EPS15L1: variants seen among roughly 807,000 people sequenced by gnomAD.
EPS15L1 encodes the protein epidermal growth factor receptor pathway substrate 15 like 1, also known as epidermal growth factor receptor substrate 15-like 1.
A neutral mutation model predicts 117.1 loss-of-function variants in EPS15L1; 43 were observed. The observed-to-expected ratio is 0.37, with a 90% CI of 0.29 to 0.47. The LOEUF is 0.47. Ranked by LOEUF, EPS15L1 falls within the 20% of genes least tolerant of loss-of-function variation. The probability of loss-of-function intolerance (pLI) is 0.99; values close to 1 mark genes in which losing one functional copy is unlikely to be tolerated. For synonymous variants in EPS15L1, 459 were observed against 470.5 expected, an observed-to-expected ratio of 0.98 and a Z score of 0.32; for missense variants, 981 against 1,164.0, an observed-to-expected ratio of 0.84 and a Z score of 2.29.
chr19:16,413,794 T>C lies in EPS15L1; in HGVS notation c.1245A>G (p.Arg415=). The C allele has an allele frequency of 3.1e-6, 5 of 1,614,062 alleles. No homozygotes were observed. The highest frequency in any genetic ancestry group is 1.1e-5 in the South Asian group (1 of 91,084). The change falls in exon 13 of 24, where the codon AGA becomes AGG. Residue 415 remains arginine (R), a synonymous_variant. Transcript: ENST00000455140. ...TTACCTGCACCTCGCTGGTTTTCTG[T>C]CTGATTGCCTCTTCCTTTTCTCGAA... is the stretch of plus-strand genomic sequence containing the variant. ...QDIREKEEAI[R]QKTSEVQELQ...
At chr19:16,441,200 G>A (rs2093028150) in intron 3 of EPS15L1, 4 of 439,834 alleles carry the variant, frequency 9.1e-6, no homozygotes, top group Non-Finnish European at 1.7e-5. Flanking sequence ...GCCAAGCGCG[G>A]TGGTTCACGC....
At chr19:16,420,766 C>T (rs1176070959) in intron 10 of EPS15L1, among the ~76,000 whole-genome samples, 1 of 152,244 alleles carries the variant, frequency 6.6e-6, no homozygotes, top group Non-Finnish European at 1.5e-5. Flanking sequence ...TGCCCCAGCC[C>T]TATGAAGTCG....
chr19:16,471,562 C>T lies in EPS15L1; in HGVS notation c.33+351G>A, dbSNP rs746626967. Among the ~76,000 whole-genome samples the T allele has an allele frequency of 5.3e-5, 8 of 152,202 alleles. No homozygotes were observed. Among genetic ancestry groups the T allele is most frequent in the Non-Finnish European group, 1.0e-4 (7 of 68,018 alleles). On this transcript the variant is annotated intron_variant, in intron 1 of 23. Coordinates refer to ENST00000455140, the MANE Select transcript of EPS15L1 (RefSeq NM_001258374.3). This position sits in a 1 kb window ranked among gnomAD's most constrained non-coding sequence, Gnocchi z 4.8. ...ACAAAGACTCGCTGGGCCGCCGCGC[C>T]GACAGAAACGCTCGCACCCCTCGCC... is the stretch of plus-strand genomic sequence containing the variant.
intron 1 of EPS15L1, among the ~76,000 whole-genome samples, chr19:16,449,101 C>G (rs1466869683): frequency 6.6e-6 from 1 of 150,462 alleles, no homozygotes; most frequent in Non-Finnish European, 1.5e-5. Flanking sequence ...TAGTGAGACC[C>G]CATCTCTACA....
At chr19:16,409,494 T>A (rs748949755) in intron 13 of EPS15L1, among the ~76,000 whole-genome samples, 2 of 152,096 alleles carry the variant, frequency 1.3e-5, no homozygotes, top group Non-Finnish European at 2.9e-5. Context: ...TAAACCAGAC[T>A]TCACCAACAT....
intron 11 of EPS15L1, 125 bp downstream of exon 11, chr19:16,417,823 T>G: frequency 7.2e-7 from 1 of 1,383,546 alleles, no homozygotes; most frequent in Non-Finnish European, 9.9e-7. Flanking sequence ...GGGGCCCCTG[T>G]TGAGGAAGGC....
At chr19:16,439,075 T>A (rs1320280146) in intron 4 of EPS15L1, among the ~76,000 whole-genome samples, 2 of 117,662 alleles carry the variant, frequency 1.7e-5, no homozygotes, top group African/African-American at 2.8e-5. Flanking sequence ...TTTTTTTCTG[T>A]TTTTTTTTTT....
chr19:16,380,502 T>C (rs944689109), intron 21 of EPS15L1, among the ~76,000 whole-genome samples: 1 of 151,924 alleles, frequency 6.6e-6, no homozygotes, highest in Admixed American at 6.6e-5. Context: ...GGTTCCAGGG[T>C]CTACTCACAC....
intron 1 of EPS15L1, among the ~76,000 whole-genome samples, chr19:16,442,567 T>C (rs759138939): frequency 1.3e-5 from 2 of 152,170 alleles, no homozygotes; most frequent in Admixed American, 1.3e-4. Context: ...GGACACTCTA[T>C]CCTCTGAGAT....
intron 13 of EPS15L1, among the ~76,000 whole-genome samples, chr19:16,409,185 C>T (rs2092684116): frequency 6.6e-6 from 1 of 152,098 alleles, no homozygotes; most frequent in Admixed American, 6.5e-5. Context: ...GAACTAGAAT[C>T]ATACCACTGC....
chr19:16,433,621 C>A (rs946597309), intron 7 of EPS15L1, among the ~76,000 whole-genome samples: 1 of 151,814 alleles, frequency 6.6e-6, no homozygotes, highest in East Asian at 1.9e-4. Context: ...CCTGGCAGTT[C>A]GAGACCAGCC....
intron 19 of EPS15L1, among the ~76,000 whole-genome samples, chr19:16,388,244 T>TCGA (rs1271160115): frequency 6.6e-6 from 1 of 152,144 alleles, no homozygotes; most frequent in Non-Finnish European, 1.5e-5. Flanking sequence ...TTCACCATGT[T>TCGA]GGCCAGGCTG....
At chr19:16,431,034 T>C (rs1164544584) in intron 7 of EPS15L1, among the ~76,000 whole-genome samples, 1 of 151,472 alleles carries the variant, frequency 6.6e-6, no homozygotes, top group Admixed American at 6.6e-5. Context: ...AGGCCAGGAG[T>C]TCGAGACCAG....
In EPS15L1 at chr19:16,381,345, C is replaced by T. The variant is rs115197240; in HGVS notation, c.2247+3784G>A. 3.9e-3 allele frequency among the ~76,000 whole-genome samples: 596 copies of T among 152,368 alleles called. 1 individual carries two copies. The highest frequency in any genetic ancestry group is 0.013 in the African/African-American group (556 of 41,584). ...CATCGTCTGCCTCCCAGGCTGGGGC[C>T]ACCAGACGCTGCCCTCAGCTGCCGA... On this transcript the variant is annotated intron_variant, in intron 21 of 23. Transcript: ENST00000455140. This position sits in a 1 kb window ranked among gnomAD's most constrained non-coding sequence, Gnocchi z 4.2.
chr19:16,377,445 G>GCC (rs1463877556), intron 21 of EPS15L1, among the ~76,000 whole-genome samples, 191 bp from the exon 22 acceptor site: 2 of 152,160 alleles, frequency 1.3e-5, no homozygotes, highest in Admixed American at 6.5e-5. Context: ...AACAGCAGGG[G>GCC]CCCTCTGGCC....
chr19:16,367,649 C>T (rs947592709), intron 22 of EPS15L1, among the ~76,000 whole-genome samples: 1 of 150,874 alleles, frequency 6.6e-6, no homozygotes, highest in Non-Finnish European at 1.5e-5. Flanking sequence ...GGCTCTGCTG[C>T]ACTAGCGTTC....
chr19:16,405,975 C>T lies in EPS15L1; in HGVS notation c.1267-1226G>A, dbSNP rs528925589. Among the ~76,000 whole-genome samples, 1 of 151,930 alleles carries T rather than the reference C, an allele frequency of 6.6e-6. No homozygotes were observed. Among genetic ancestry groups the T allele is most frequent in the African/African-American group, 2.4e-5 (1 of 41,488 alleles). ...CAGGACGCAGGAACTGCAGGGGCCT[C>T]GGGTGGGGTCCAGGGAGAGGCAGCA... On this transcript the variant is annotated intron_variant, in intron 13 of 23. Coordinates refer to ENST00000455140, the MANE Select transcript of EPS15L1 (RefSeq NM_001258374.3). This position sits in a 1 kb window ranked among gnomAD's most constrained non-coding sequence, Gnocchi z 4.0.
At chr19:16,458,027 C>T (rs1446690154) in intron 1 of EPS15L1, among the ~76,000 whole-genome samples, 1 of 152,204 alleles carries the variant, frequency 6.6e-6, no homozygotes, top group African/African-American at 2.4e-5. Flanking sequence ...ATCAGCTACT[C>T]CTGGGCTCCA....
At chr19:16,407,902 G>A (rs779664674) in intron 13 of EPS15L1, among the ~76,000 whole-genome samples, 3 of 152,186 alleles carry the variant, frequency 2.0e-5, no homozygotes, top group South Asian at 2.1e-4. Flanking sequence ...GCCAGAAGGG[G>A]TGGCTGCTGA....
Sources: allele counts gnomAD v4.1 joint callset (sites outside exome capture counted in the v4.1 genomes callset), GRCh38; gene constraint gnomAD v4.1.1; non-coding constraint Gnocchi (gnomAD v3.1); transcripts MANE v1.5; gene names NCBI Gene and HGNC (gene_info 2026-07-23, HGNC 2026-07-21).